Variants in NRXN3 observed in about 807,000 individuals in gnomAD.
NRXN3 encodes the protein neurexin 3, also known as neurexin III.
NRXN3 carries 32 observed loss-of-function variants against 137.6 expected under a neutral mutation model. That is an observed-to-expected ratio of 0.23 (90% CI 0.18 to 0.31). NRXN3 has a LOEUF of 0.31. NRXN3 is among the 10% of genes least tolerant of loss of function. NRXN3 has a pLI of 1.00. For missense variants in NRXN3, 1,574 were observed against 2,062.5 expected, an observed-to-expected ratio of 0.76 and a Z score of 4.59; for synonymous variants, 798 against 784.5, an observed-to-expected ratio of 1.02 and a Z score of -0.29.
At chr14:78,240,318 G>A (rs2066914799) in intron 1 of NRXN3, among the ~76,000 whole-genome samples, 1 of 152,172 alleles carries the variant, frequency 6.6e-6, no homozygotes, top group East Asian at 1.9e-4. Flanking sequence ...GAATGTGTGT[G>A]TCCTACGCTA....
At position 79,729,581 on chromosome 14, in the gene NRXN3, G is replaced by A. The variant is rs577032351; in HGVS notation, c.4014+31644G>A. On this transcript the variant is annotated intron_variant, in intron 19 of 20. Coordinates refer to ENST00000335750, the MANE Select transcript of NRXN3 (RefSeq NM_001330195.2). ...CAATCTCCCCACAGAGATTCTGGGT[G>A]AAATCCTTTTTGCTTCTCTGAATTT... 1.1e-4 allele frequency among the ~76,000 whole-genome samples: 17 copies of A among 152,290 alleles called. No individual in the cohort carries two copies. The South Asian group carries it at 3.3e-3, about 30-fold the overall frequency.
intron 1 of NRXN3, among the ~76,000 whole-genome samples, chr14:78,191,021 G>A (rs11623896): frequency 6.6e-6 from 1 of 151,936 alleles, no homozygotes; most frequent in African/African-American, 2.4e-5. Flanking sequence ...TTTCTAACCA[G>A]GTAAGCGTCC....
intron 9 of NRXN3, among the ~76,000 whole-genome samples, chr14:78,805,709 CAT>C (rs1160061647): frequency 6.6e-6 from 1 of 151,738 alleles, no homozygotes; most frequent in East Asian, 1.9e-4. Context: ...GAGAGACAAA[CAT>C]ATGAGAATGA....
At chr14:78,608,134 A>G (rs746391742) in intron 4 of NRXN3, among the ~76,000 whole-genome samples, 22 of 152,194 alleles carry the variant, frequency 1.4e-4, no homozygotes, top group Non-Finnish European at 2.8e-4. Context: ...GGACTCTGAG[A>G]GTCTTGGCGG....
At chr14:78,598,759 T>C (rs1039503082) in intron 4 of NRXN3, among the ~76,000 whole-genome samples, 3 of 152,252 alleles carry the variant, frequency 2.0e-5, no homozygotes, top group African/African-American at 7.2e-5. Context: ...GGCTAAGGTT[T>C]GCAGAGGAGC....
intron 8 of NRXN3, among the ~76,000 whole-genome samples, chr14:78,770,479 A>G (rs980846188): frequency 9.2e-5 from 14 of 152,306 alleles, no homozygotes; most frequent in East Asian, 1.9e-4. Context: ...AAGATGTGCA[A>G]GGATGGTTCC....
At chr14:79,433,948 G>A (rs2095803908) in intron 15 of NRXN3, among the ~76,000 whole-genome samples, 1 of 152,152 alleles carries the variant, frequency 6.6e-6, no homozygotes, top group African/African-American at 2.4e-5. Context: ...CACCTGGCAT[G>A]CTTGAGGAAA....
At chr14:79,345,582 C>T (rs1182693918) in intron 15 of NRXN3, among the ~76,000 whole-genome samples, 3 of 152,092 alleles carry the variant, frequency 2.0e-5, no homozygotes, top group Non-Finnish European at 4.4e-5. Flanking sequence ...CCAGTGTTGG[C>T]GATGCAGCCT....
At chr14:79,248,893 G>A (rs1212679432) in intron 15 of NRXN3, 1 of 152,308 alleles carries the variant, frequency 6.6e-6, no homozygotes, top group African/African-American at 2.4e-5. Flanking sequence ...CACAGGGGAG[G>A]GAAATGCAGG....
intron 15 of NRXN3, among the ~76,000 whole-genome samples, chr14:79,462,865 T>TATATGTATATGTACATACAC (rs2096368229): frequency 2.6e-5 from 4 of 151,958 alleles, no homozygotes; most frequent in Middle Eastern, 6.9e-3. Flanking sequence ...ACAATGAATG[T>TATATGTATATGTACATACAC]ATATGTATAT....
Position 78,484,862 on chromosome 14 carries a change from G to A in NRXN3, c.758-160258G>A, listed in dbSNP as rs117696080. Among the ~76,000 whole-genome samples the A allele has an allele frequency of 0.011, 1,707 of 152,200 alleles. 18 individuals carry two copies. Among genetic ancestry groups the A allele is most frequent in the Middle Eastern group, 0.017 (5 of 294 alleles). The stretch of plus-strand genomic sequence containing the variant: ...AAATAAGATAAAAAGCAAGGGGTGG[G>A]GAAATTAATTAATGTCAGTAAATGA... On this transcript the variant is annotated intron_variant, in intron 4 of 20. Transcript: ENST00000335750.
At chr14:79,344,773 A>T (rs1051514423) in intron 15 of NRXN3, among the ~76,000 whole-genome samples, 2 of 152,190 alleles carry the variant, frequency 1.3e-5, no homozygotes, top group African/African-American at 4.8e-5. Flanking sequence ...CTTACTAAAA[A>T]GTTGACAATA....
At chr14:78,533,917 T>C (rs1481876216) in intron 4 of NRXN3, among the ~76,000 whole-genome samples, 1 of 152,248 alleles carries the variant, frequency 6.6e-6, no homozygotes, top group East Asian at 1.9e-4. Flanking sequence ...CATTTTTTTC[T>C]ATAGTACTGG....
intron 8 of NRXN3, among the ~76,000 whole-genome samples, chr14:78,787,277 TG>T (rs574078133): frequency 4.9e-4 from 74 of 152,340 alleles, no homozygotes; most frequent in African/African-American, 1.8e-3. Context: ...CTCTCTGATC[TG>T]GCCTCAGATA....
At chr14:78,523,623 C>G (rs1277381488) in intron 4 of NRXN3, among the ~76,000 whole-genome samples, 1 of 129,122 alleles carries the variant, frequency 7.7e-6, no homozygotes, top group African/African-American at 2.8e-5. Flanking sequence ...CACGGTGAAA[C>G]CCCGTCTCTA....
At chr14:79,010,208 T>C (rs2099568703) in intron 15 of NRXN3, among the ~76,000 whole-genome samples, 1 of 152,226 alleles carries the variant, frequency 6.6e-6, no homozygotes, top group Non-Finnish European at 1.5e-5. Context: ...AGGTAGTCTC[T>C]AAATCCAATT....
chr14:79,517,641 C>T (rs76413442), intron 16 of NRXN3, among the ~76,000 whole-genome samples: 2,313 of 147,726 alleles, frequency 0.016, 29 homozygotes, highest in East Asian at 0.055. Flanking sequence ...CTGTAGAGGA[C>T]GTGAGGTATT....
At chr14:78,904,825 C>T (rs2099210027) in intron 10 of NRXN3, among the ~76,000 whole-genome samples, 1 of 150,394 alleles carries the variant, frequency 6.6e-6, no homozygotes, top group Admixed American at 6.6e-5. Flanking sequence ...CAATCAGTTA[C>T]TGAATATGAA....
rs1485228438 is a variant in NRXN3 at position 78,243,246 on chromosome 14, G to C, written c.153G>C (p.Leu51=). The C allele has an allele frequency of 1.3e-6, 2 of 1,556,388 alleles. No individual in the cohort carries two copies. The highest frequency in any genetic ancestry group is 8.6e-7 in the Non-Finnish European group (1 of 1,158,688). ...GGGATGCCAGCACACGCAGTGACCT[G>C]AGTTTCCAGTTCAAGACCAACGTCT... ...LRWDASTRSD[L]SFQFKTNVST... is the part of the protein sequence containing the mutation. Residue 51 remains leucine (L), a synonymous_variant, in exon 2 of 21, where the codon CTG becomes CTC. Transcript: ENST00000335750. This position sits in a 1 kb window ranked among gnomAD's most constrained non-coding sequence, Gnocchi z 4.2.
Sources: gnomAD v4.1 joint callset for allele counts (sites outside exome capture counted in the v4.1 genomes callset) on GRCh38, gnomAD v4.1.1 for gene constraint, Gnocchi (gnomAD v3.1) non-coding constraint, MANE v1.5 for transcripts, NCBI Gene and HGNC (gene_info 2026-07-23, HGNC 2026-07-21) for gene names.